The following MEIS2 variants were observed in gnomAD, a reference collection of about 807,000 sequenced individuals.
The protein encoded by MEIS2 is Meis homeobox 2, also known as homeobox protein Meis2.
Under a neutral mutation model 58.6 loss-of-function variants are expected in MEIS2, and 9 were observed. The observed-to-expected ratio is 0.15, with a 90% CI of 0.09 to 0.27. The LOEUF (loss-of-function observed/expected upper bound fraction) is 0.27. Among genes scored for constraint, MEIS2 ranks in the 10% least tolerant of loss-of-function variants. The pLI is 1.00. For missense variants in MEIS2, 427 were observed against 635.0 expected (o/e 0.67, Z 3.52); for synonymous variants, 221 against 228.4 (o/e 0.97, Z 0.29).
At position 36,963,173 on chromosome 15, in the gene MEIS2, G is replaced by A. The variant is rs549898312; in HGVS notation, c.901-12773C>T. Among the ~76,000 whole-genome samples, 20 of 152,098 alleles carry A rather than the reference G, an allele frequency of 1.3e-4. No individual in the cohort carries two copies. The South Asian group carries it at 2.9e-3, about 22-fold the overall frequency. ...GCAGATCACCTGAGGCCAGGAGTTC[G>A]AGACCAGCCTGGCCAACATGGTGAA... On this transcript the variant is annotated intron_variant, in intron 8 of 11. Coordinates refer to ENST00000561208, the MANE Select transcript of MEIS2 (RefSeq NM_170675.5).
At chr15:37,013,156 G>T (rs1380392794) in intron 8 of MEIS2, among the ~76,000 whole-genome samples, 1 of 152,172 alleles carries the variant, frequency 6.6e-6, no homozygotes, top group Non-Finnish European at 1.5e-5. Context: ...TCCACTGAGA[G>T]TGCCAGATGG....
At chr15:36,905,480 CA>C (rs2056686240) in intron 9 of MEIS2, among the ~76,000 whole-genome samples, 1 of 152,054 alleles carries the variant, frequency 6.6e-6, no homozygotes, top group South Asian at 2.1e-4. Flanking sequence ...CCTCCACGTT[CA>C]CAGAATTGTA....
At chr15:36,961,671 T>C (rs2059188153) in intron 8 of MEIS2, among the ~76,000 whole-genome samples, 1 of 152,140 alleles carries the variant, frequency 6.6e-6, no homozygotes, top group African/African-American at 2.4e-5. Context: ...GAAAAGGCTT[T>C]TCTTAGCTTG....
chr15:37,051,104 T>C (rs776826525), intron 7 of MEIS2, among the ~76,000 whole-genome samples: 5 of 152,232 alleles, frequency 3.3e-5, no homozygotes, highest in Non-Finnish European at 7.3e-5. Context: ...CCCCACTTTG[T>C]ACCCAATGCT....
chr15:37,097,818 T>C (rs924670728), intron 2 of MEIS2, 149 bp downstream of exon 2: 65 of 1,227,046 alleles, frequency 5.3e-5, no homozygotes, highest in Admixed American at 1.5e-4. Context: ...GCAGGCCCCC[T>C]CCACGGTCCC....
chr15:36,904,629 C>A (rs1449138030), intron 9 of MEIS2, among the ~76,000 whole-genome samples: 1 of 92,276 alleles, frequency 1.1e-5, no homozygotes, highest in Admixed American at 1.3e-4. Flanking sequence ...AAAAGGATTA[C>A]ATTTTCTTCT....
Position 37,023,333 on chromosome 15 carries a change from A to G in MEIS2, c.900+13481T>C, listed in dbSNP as rs1311277250. ...TTTCTATATTTGGGTTGATTTGTGA[A>G]TTCCTATTTTGTTCAAATGATCATT... On this transcript the variant is annotated intron_variant, in intron 8 of 11. Coordinates refer to ENST00000561208, the MANE Select transcript of MEIS2 (RefSeq NM_170675.5). Among the ~76,000 whole-genome samples the G allele has an allele frequency of 3.9e-5, 6 of 152,216 alleles. No homozygotes were observed. The East Asian group carries it at 7.7e-4, about 20-fold the overall frequency.
At chr15:37,067,382 A>C (rs1890092946) in intron 7 of MEIS2, among the ~76,000 whole-genome samples, 1 of 152,058 alleles carries the variant, frequency 6.6e-6, no homozygotes, top group Admixed American at 6.6e-5. Flanking sequence ...AAATTCCTTT[A>C]CAAGGTAAAA....
At position 36,991,217 on chromosome 15, in the gene MEIS2, C is replaced by G. The variant is rs1000035423; in HGVS notation, c.901-40817G>C. On this transcript the variant is annotated intron_variant, in intron 8 of 11. Coordinates refer to ENST00000561208, the MANE Select transcript of MEIS2 (RefSeq NM_170675.5). ...CAAGCAATCCATAGAGTGATATTTTCCCTTAATTCTTCTGTAAAATCAATG... is the reference window on the plus strand; with the variant it reads ...CAAGCAATCCATAGAGTGATATTTTGCCTTAATTCTTCTGTAAAATCAATG... Among the ~76,000 whole-genome samples the G allele has an allele frequency of 7.9e-5, 12 of 151,232 alleles. 1 individual carries two copies. The highest frequency in any genetic ancestry group is 7.9e-4 in the Admixed American group (12 of 15,148).
chr15:36,901,714 CACA>C (rs1193962515), intron 9 of MEIS2, among the ~76,000 whole-genome samples: 1 of 152,116 alleles, frequency 6.6e-6, no homozygotes, highest in Admixed American at 6.6e-5. Context: ...AATCTGGAAT[CACA>C]ACATTTTGTA....
intron 8 of MEIS2, among the ~76,000 whole-genome samples, chr15:36,967,488 C>G (rs1234689799): frequency 6.6e-6 from 1 of 152,110 alleles, no homozygotes; most frequent in Non-Finnish European, 1.5e-5. Context: ...CTTCATGTCT[C>G]TAAATTGACT....
chr15:37,099,006 C>CGCGGCCCCAGCG (rs1189898420), intron 1 of MEIS2: 1 of 983,408 alleles, frequency 1.0e-6, no homozygotes, highest in South Asian at 4.5e-5. Flanking sequence ...GCTGCGGCAG[C>CGCGGCCCCAGCG]GCGGCCCCAG....
At chr15:36,916,236 G>A (rs1489330852) in intron 9 of MEIS2, among the ~76,000 whole-genome samples, 1 of 151,612 alleles carries the variant, frequency 6.6e-6, no homozygotes. Context: ...GACCATCCTG[G>A]CTAAAACGGT....
At chr15:37,044,916 C>T (rs1399705720) in intron 7 of MEIS2, among the ~76,000 whole-genome samples, 1 of 152,114 alleles carries the variant, frequency 6.6e-6, no homozygotes, top group African/African-American at 2.4e-5. Context: ...ATATCAAGAG[C>T]CTCTAGATAT....
At chr15:37,011,078 C>G (rs926417579) in intron 8 of MEIS2, among the ~76,000 whole-genome samples, 8 of 152,176 alleles carry the variant, frequency 5.3e-5, no homozygotes, top group African/African-American at 1.9e-4. Flanking sequence ...TGGAATGTAC[C>G]TGAAATGTCA....
intron 9 of MEIS2, among the ~76,000 whole-genome samples, chr15:36,912,404 C>T (rs1425832292): frequency 1.3e-5 from 2 of 152,142 alleles, no homozygotes; most frequent in South Asian, 2.1e-4. Flanking sequence ...AATGAGCTGC[C>T]TTTGCACAAA....
At chr15:37,022,770 C>T (rs1014388535) in intron 8 of MEIS2, among the ~76,000 whole-genome samples, 5 of 152,272 alleles carry the variant, frequency 3.3e-5, no homozygotes, top group Non-Finnish European at 7.4e-5. Context: ...AATTCTCCTG[C>T]CTCAGCCTCC....
At chr15:36,975,742 T>C (rs910373835) in intron 8 of MEIS2, among the ~76,000 whole-genome samples, 7 of 152,168 alleles carry the variant, frequency 4.6e-5, no homozygotes, top group Admixed American at 4.6e-4. Flanking sequence ...CAAGGTGAGA[T>C]GACATTAAGA....
chr15:37,083,739 AC>A, intron 7 of MEIS2, 31 bp downstream of exon 7: 1 of 1,576,166 alleles, frequency 6.3e-7, no homozygotes, highest in Non-Finnish European at 8.7e-7. Flanking sequence ...AGTCATGCCT[AC>A]TTTGCACGAG....
Sources: allele counts gnomAD v4.1 joint callset (sites outside exome capture counted in the v4.1 genomes callset), GRCh38; gene constraint gnomAD v4.1.1; transcripts MANE v1.5; gene names NCBI Gene and HGNC (gene_info 2026-07-23, HGNC 2026-07-21).